The following TNPO3 variants were observed in gnomAD, a reference collection of about 807,000 sequenced individuals.
TNPO3 encodes the protein transportin 3.
TNPO3 carries 65 observed loss-of-function variants against 122.8 expected under a neutral mutation model. The observed-to-expected ratio is 0.53, with a 90% confidence interval of 0.43 to 0.65. The LOEUF (loss-of-function observed/expected upper bound fraction) is 0.65, where lower values mean the gene tolerates loss of function less well. Ranked by LOEUF, TNPO3 falls within the 30% of genes least tolerant of loss-of-function variation. TNPO3 has a pLI of 0.00. For missense variants in TNPO3, 850 were observed against 1,136.7 expected, an observed-to-expected ratio of 0.75 and a Z score of 3.63; for synonymous variants, 372 against 411.2, an observed-to-expected ratio of 0.90 and a Z score of 1.15.
chr7:128,986,678 C>G (rs1800189640), intron 12 of TNPO3, 51 bp downstream of exon 12: 1 of 1,506,018 alleles, frequency 6.6e-7, no homozygotes, highest in African/African-American at 1.4e-5. Context: ...GTAAGATTAC[C>G]CCAGGTAGTG....
intron 21 of TNPO3, among the ~76,000 whole-genome samples, chr7:128,965,470 G>A (rs563254552): frequency 6.6e-6 from 1 of 152,278 alleles, no homozygotes; most frequent in East Asian, 1.9e-4. Flanking sequence ...TGGAGAAATT[G>A]GAACTTTGTG....
At chr7:129,015,239 C>T in intron 3 of TNPO3, 104 bp from the exon 4 acceptor site, 2 of 1,162,530 alleles carry the variant, frequency 1.7e-6, no homozygotes, top group Non-Finnish European at 2.4e-6. Context: ...AGCAACATTC[C>T]CACCACTGTT....
At chr7:128,995,504 G>T (rs569175390) in intron 8 of TNPO3, among the ~76,000 whole-genome samples, 1 of 152,166 alleles carries the variant, frequency 6.6e-6, no homozygotes, top group Non-Finnish European at 1.5e-5. Flanking sequence ...TGAGATAATG[G>T]CTAACATTAT....
Position 128,992,014 on chromosome 7 carries a change from G to T in TNPO3, c.1343C>A (p.Ala448Glu), listed in dbSNP as rs1390648337. ...EAVLFIMAAIAKSVDPENNPT... is the reference protein window; with the variant it reads ...EAVLFIMAAIEKSVDPENNPT... ...AGACACTCACGGATCAACACTCTTT[G>T]CTATAGCAGCCATGATAAAGAGAAC... The change falls in exon 10 of 23, where the codon GCA becomes GAA. Residue 448 changes from alanine to glutamate, a missense_variant. Physicochemically the swap from Ala to Glu is moderately radical, Grantham distance 107. Coordinates refer to ENST00000265388, the MANE Select transcript of TNPO3 (RefSeq NM_012470.4). 1 of 1,608,648 alleles carries T rather than the reference G, an allele frequency of 6.2e-7. No individual in the cohort carries two copies. Among genetic ancestry groups the T allele is most frequent in the Admixed American group, 1.7e-5 (1 of 59,072 alleles).
At chr7:128,988,814 C>A (rs1430753874) in intron 11 of TNPO3, among the ~76,000 whole-genome samples, 1 of 152,146 alleles carries the variant, frequency 6.6e-6, no homozygotes, top group Non-Finnish European at 1.5e-5. Flanking sequence ...CGTGGTGGCT[C>A]ACGCCTGTAA....
In TNPO3 at chr7:128,974,564, A is replaced by G. The variant is rs564410124; in HGVS notation, c.2273+304T>C. ...AACATGAAATCGCAACAGCACGAAC[A>G]GTTAAAACCTACAGAGGACTGTAGA... On this transcript the variant is annotated intron_variant, in intron 18 of 22. Coordinates refer to ENST00000265388, the MANE Select transcript of TNPO3 (RefSeq NM_012470.4). Among the ~76,000 whole-genome samples the G allele has an allele frequency of 2.1e-4, 32 of 152,324 alleles. No individual in the cohort carries two copies. The South Asian group carries it at 2.7e-3, about 13-fold the overall frequency.
Position 129,001,056 on chromosome 7 carries a change from C to T in TNPO3, c.872+3G>A, listed in dbSNP as rs1801893979. 1.9e-6 allele frequency: 3 copies of T among 1,613,356 alleles called. No individual in the cohort carries two copies. Among genetic ancestry groups the T allele is most frequent in the Non-Finnish European group, 2.5e-6 (3 of 1,179,326 alleles). On this transcript the variant is annotated splice_donor_region_variant and intron_variant, in intron 6 of 22. Coordinates refer to ENST00000265388, the MANE Select transcript of TNPO3 (RefSeq NM_012470.4). ...AGGGCTCCAGACTTAAACAATTACT[C>T]ACTTGTCTAAATCTTCACGTGCCAC...
chr7:129,021,090 T>G (rs1804447177), intron 1 of TNPO3, among the ~76,000 whole-genome samples: 1 of 151,898 alleles, frequency 6.6e-6, no homozygotes. Flanking sequence ...GCGCGGTGGC[T>G]CACGCCTGTA....
intron 21 of TNPO3, among the ~76,000 whole-genome samples, chr7:128,961,438 G>T (rs771459666): frequency 1.2e-4 from 19 of 152,134 alleles, no homozygotes; most frequent in Non-Finnish European, 2.6e-4. Context: ...CAGGTGTCCG[G>T]TAGGCTATAC....
chr7:129,006,148 A>G (rs557125320), intron 4 of TNPO3, among the ~76,000 whole-genome samples: 9 of 152,192 alleles, frequency 5.9e-5, no homozygotes, highest in Non-Finnish European at 1.0e-4. Context: ...CTTTATAGGT[A>G]GCTGCTATTA....
rs1223456561 is a variant in TNPO3 at position 128,954,526 on chromosome 7, A to G, written c.*891T>C. 3 of 151,796 alleles carry G rather than the reference A, an allele frequency of 2.0e-5. No homozygotes were observed. Among genetic ancestry groups the G allele is most frequent in the Non-Finnish European group, 4.4e-5 (3 of 68,026 alleles). 9.4% of individuals were successfully genotyped at this position (151,796 alleles called of 1,614,324 possible). ...AAAAAACAAAAACTTACACATTTAT[A>G]TCCTGCACTCCCCACCCACCCGCCC... On this transcript the variant is annotated 3_prime_UTR_variant, in exon 23 of 23. Coordinates refer to ENST00000265388, the MANE Select transcript of TNPO3 (RefSeq NM_012470.4).
intron 1 of TNPO3, among the ~76,000 whole-genome samples, chr7:129,051,981 G>A (rs1204895351): frequency 6.6e-6 from 1 of 152,216 alleles, no homozygotes; most frequent in Non-Finnish European, 1.5e-5. Flanking sequence ...AAGATCCAGG[G>A]TGTGATTGTG....
In TNPO3 at chr7:128,984,158, T is replaced by A; in HGVS notation, c.1782+10A>T. Reference sequence around the variant, plus strand: ...TATATTTGTTTCACACCTTCCTTAATTGGACTTACCTTTTTCAATGCCATA... The same window carrying A: ...TATATTTGTTTCACACCTTCCTTAAATGGACTTACCTTTTTCAATGCCATA... On this transcript the variant is annotated intron_variant, in intron 13 of 22. Coordinates refer to ENST00000265388, the MANE Select transcript of TNPO3 (RefSeq NM_012470.4). 6.4e-7 allele frequency: 1 copy of A among 1,557,646 alleles called. No individual in the cohort carries two copies. The highest frequency in any genetic ancestry group is 8.7e-7 in the Non-Finnish European group (1 of 1,145,954).
At chr7:128,976,714 C>T (rs1799096412) in intron 16 of TNPO3, among the ~76,000 whole-genome samples, 1 of 152,172 alleles carries the variant, frequency 6.6e-6, no homozygotes, top group Non-Finnish European at 1.5e-5. Context: ...ATTGTACACT[C>T]ACCTATTTAA....
intron 18 of TNPO3, among the ~76,000 whole-genome samples, chr7:128,974,026 T>C (rs1398779426): frequency 1.3e-5 from 2 of 151,134 alleles, no homozygotes; most frequent in East Asian, 4.0e-4. Flanking sequence ...ATACAAAAAT[T>C]AGCTGGGCAT....
At chr7:129,005,259 A>C (rs1802439113) in intron 4 of TNPO3, 100 bp from the exon 5 acceptor site, 1 of 1,159,536 alleles carries the variant, frequency 8.6e-7, no homozygotes, top group East Asian at 2.6e-5. Flanking sequence ...AGATGGCAAT[A>C]AAACAGCCAA....
intron 8 of TNPO3, among the ~76,000 whole-genome samples, chr7:128,994,909 T>C (rs1314326283): frequency 6.6e-6 from 1 of 152,162 alleles, no homozygotes; most frequent in Non-Finnish European, 1.5e-5. Context: ...CTGCCCGCCT[T>C]GCCCTCCCAA....
At chr7:129,042,253 G>C (rs777580802) in intron 1 of TNPO3, among the ~76,000 whole-genome samples, 3 of 152,168 alleles carry the variant, frequency 2.0e-5, no homozygotes. Flanking sequence ...TCAGGTTGCT[G>C]CATTTTTTAA....
At chr7:128,980,387 C>T (rs1345414077) in intron 14 of TNPO3, among the ~76,000 whole-genome samples, 1 of 152,142 alleles carries the variant, frequency 6.6e-6, no homozygotes, top group Non-Finnish European at 1.5e-5. Flanking sequence ...GCGGGTAGAT[C>T]ACCTGAGTCC....
Sources: gnomAD v4.1 joint callset for allele counts (sites outside exome capture counted in the v4.1 genomes callset) on GRCh38, gnomAD v4.1.1 for gene constraint, MANE v1.5 for transcripts, NCBI Gene and HGNC (gene_info 2026-07-23, HGNC 2026-07-21) for gene names.